NRXN1: variants seen among roughly 807,000 people sequenced by gnomAD.
NRXN1 encodes neurexin 1.
NRXN1 carries 39 observed loss-of-function variants against 150.9 expected under a neutral mutation model. The observed-to-expected ratio is 0.26, with a 90% confidence interval of 0.20 to 0.34. The LOEUF is 0.34. Ranked by LOEUF, NRXN1 falls within the 10% of genes least tolerant of loss-of-function variation. NRXN1 has a pLI of 1.00. For missense variants in NRXN1, 1,815 were observed against 1,949.9 expected (o/e 0.93, Z 1.30); for synonymous variants, 924 against 757.0 (o/e 1.22, Z -3.62).
intron 8 of NRXN1, among the ~76,000 whole-genome samples, chr2:50,570,611 A>G (rs746954040): frequency 6.6e-5 from 10 of 152,118 alleles, no homozygotes; most frequent in Non-Finnish European, 1.0e-4. Context: ...TAAGCCCAGG[A>G]GCTATGTTGA....
intron 17 of NRXN1, among the ~76,000 whole-genome samples, chr2:50,418,959 AT>A (rs2083762264): frequency 6.6e-6 from 1 of 151,980 alleles, no homozygotes; most frequent in African/African-American, 2.4e-5. Context: ...TTTAAATCAT[AT>A]TTTTATTGTA....
chr2:50,553,993 T>C (rs1026078611), intron 8 of NRXN1, among the ~76,000 whole-genome samples: 1 of 152,170 alleles, frequency 6.6e-6, no homozygotes, highest in African/African-American at 2.4e-5. Context: ...ATACAGTGGA[T>C]AATCACATTT....
intron 15 of NRXN1, among the ~76,000 whole-genome samples, chr2:50,479,979 G>A (rs1235030630): frequency 6.6e-6 from 1 of 151,806 alleles, no homozygotes; most frequent in Non-Finnish European, 1.5e-5. Flanking sequence ...TCACCGCGTT[G>A]GCCAGGCTAG....
intron 5 of NRXN1, among the ~76,000 whole-genome samples, chr2:50,687,633 G>T (rs1691436206): frequency 6.6e-6 from 1 of 152,120 alleles, no homozygotes; most frequent in Non-Finnish European, 1.5e-5. Context: ...TGGGCACTAA[G>T]AAATAAAATG....
chr2:50,972,066 T>G (rs1410555716), intron 2 of NRXN1, among the ~76,000 whole-genome samples: 1 of 144,610 alleles, frequency 6.9e-6, no homozygotes, highest in Non-Finnish European at 1.5e-5. Context: ...CAGCTAAATC[T>G]CTGATAATTT....
intron 18 of NRXN1, among the ~76,000 whole-genome samples, chr2:50,179,193 A>T (rs1574344942): frequency 6.6e-6 from 1 of 152,078 alleles, no homozygotes; most frequent in African/African-American, 2.4e-5. Context: ...AAAAATATGG[A>T]GCTGCTCCAC....
intron 2 of NRXN1, among the ~76,000 whole-genome samples, chr2:50,982,004 CT>C (rs1696909489): frequency 6.6e-6 from 1 of 151,970 alleles, no homozygotes; most frequent in Non-Finnish European, 1.5e-5. Context: ...CATTAAGACT[CT>C]TTTTATCCTG....
At chr2:50,769,874 C>T (rs992887500) in intron 5 of NRXN1, among the ~76,000 whole-genome samples, 3 of 151,944 alleles carry the variant, frequency 2.0e-5, no homozygotes, top group African/African-American at 2.4e-5. Flanking sequence ...CAGCATCAGG[C>T]GTAGAATTCA....
At chr2:50,901,680 T>C (rs1682976126) in intron 5 of NRXN1, among the ~76,000 whole-genome samples, 1 of 152,130 alleles carries the variant, frequency 6.6e-6, no homozygotes, top group South Asian at 2.1e-4. Context: ...AAAAGGAAAG[T>C]TCAACAATAG....
At chr2:50,656,963 T>A (rs970072947) in intron 5 of NRXN1, among the ~76,000 whole-genome samples, 2 of 152,042 alleles carry the variant, frequency 1.3e-5, no homozygotes, top group Non-Finnish European at 2.9e-5. Context: ...ACACTATTAA[T>A]ATTTTATGTA....
At chr2:50,752,217 C>A (rs187230257) in intron 5 of NRXN1, among the ~76,000 whole-genome samples, 12 of 151,998 alleles carry the variant, frequency 7.9e-5, no homozygotes, top group African/African-American at 2.2e-4. Flanking sequence ...AAAAAAAATT[C>A]TTTGGCCTGC....
intron 5 of NRXN1, among the ~76,000 whole-genome samples, chr2:50,739,883 T>G (rs1699223936): frequency 6.6e-6 from 1 of 152,144 alleles, no homozygotes; most frequent in African/African-American, 2.4e-5. Flanking sequence ...TGAAACATAA[T>G]AGAATTTGGT....
intron 18 of NRXN1, chr2:50,105,188 A>C (rs1701468647): frequency 6.6e-6 from 1 of 151,916 alleles, no homozygotes; most frequent in South Asian, 2.1e-4. Flanking sequence ...CCATTTTAGG[A>C]GGTTTGTATA....
intron 5 of NRXN1, among the ~76,000 whole-genome samples, chr2:50,854,016 T>C (rs1402444506): frequency 2.0e-5 from 3 of 152,112 alleles, no homozygotes; most frequent in African/African-American, 7.2e-5. Flanking sequence ...ATTTTCTTAA[T>C]TTAAATGATA....
At chr2:50,252,772 A>C (rs529336227) in intron 17 of NRXN1, among the ~76,000 whole-genome samples, 11 of 151,920 alleles carry the variant, frequency 7.2e-5, no homozygotes, top group Non-Finnish European at 1.5e-4. Context: ...CTGTTCCATT[A>C]GTCTATGTGT....
intron 5 of NRXN1, among the ~76,000 whole-genome samples, chr2:50,672,811 A>G (rs1242049259): frequency 6.6e-6 from 1 of 152,084 alleles, no homozygotes; most frequent in Non-Finnish European, 1.5e-5. Flanking sequence ...AAACTTTTCC[A>G]TGAGGTCCCT....
In NRXN1 at chr2:50,945,386, C is replaced by T. The variant is rs550503131; in HGVS notation, c.773-19431G>A. Reference sequence around the variant, plus strand: ...GGCTGAGGCAGGAGGATTGCTTGAGCCCAAGAGGTGGAGGATGCAATAAGC... The same window carrying T: ...GGCTGAGGCAGGAGGATTGCTTGAGTCCAAGAGGTGGAGGATGCAATAAGC... On this transcript the variant is annotated intron_variant, in intron 2 of 22. Coordinates refer to ENST00000401669, the MANE Select transcript of NRXN1 (RefSeq NM_001330078.2). Among the ~76,000 whole-genome samples the T allele has an allele frequency of 2.8e-3, 433 of 152,104 alleles. 2 individuals carry two copies. The highest frequency in any genetic ancestry group is 9.7e-3 in the African/African-American group (403 of 41,508).
chr2:50,154,306 T>A (rs1189499935), intron 18 of NRXN1, among the ~76,000 whole-genome samples: 1 of 151,694 alleles, frequency 6.6e-6, no homozygotes, highest in African/African-American at 2.4e-5. Flanking sequence ...AAATCATCAC[T>A]AAATCATTAT....
At position 50,236,110 on chromosome 2, in the gene NRXN1, G is replaced by T. The variant is rs1373505427; in HGVS notation, c.3546+679C>A. ...ATTATGGCAACTTTCAAAGGAAAAT[G>T]AAGTTTTTCATTCATGACTATTCTT... On this transcript the variant is annotated intron_variant, in intron 18 of 22. Transcript: ENST00000401669. Among the ~76,000 whole-genome samples the T allele has an allele frequency of 5.3e-5, 8 of 151,992 alleles. No homozygotes were observed. In the East Asian group the frequency reaches 1.4e-3, roughly 26 times the overall value.
Sources: allele counts gnomAD v4.1 joint callset (sites outside exome capture counted in the v4.1 genomes callset), GRCh38; gene constraint gnomAD v4.1.1; transcripts MANE v1.5; gene names NCBI Gene and HGNC (gene_info 2026-07-23, HGNC 2026-07-21).